Variants in LRP3 observed in about 807,000 individuals in gnomAD.
LRP3 encodes the protein low-density lipoprotein receptor-related protein 3.
A neutral mutation model predicts 58.5 loss-of-function variants in LRP3; 49 were observed. The ratio of observed to expected loss-of-function variants is 0.84; its 90% CI spans 0.67 to 1.06. The LOEUF (loss-of-function observed/expected upper bound fraction) is 1.06, where lower values mean the gene tolerates loss of function less well. LRP3 is among the 50% of genes least tolerant of loss of function. The pLI is 0.00. For missense variants in LRP3, 1,019 were observed against 1,134.2 expected (o/e 0.90, Z 1.46); for synonymous variants, 485 against 492.2 (o/e 0.99, Z 0.20).
At chr19:33,202,665 T>TGGCCTCCCGTACAC (rs1281045237) in intron 2 of LRP3, among the ~76,000 whole-genome samples, 183 bp from the exon 3 acceptor site, 2 of 152,138 alleles carry the variant, frequency 1.3e-5, no homozygotes, top group African/African-American at 4.8e-5. Flanking sequence ...GGGCCCTCCT[T>TGGCCTCCCGTACAC]GGCCTCCCGT....
chr19:33,196,592 T>C, intron 1 of LRP3, 138 bp from the exon 2 acceptor site: 1 of 733,258 alleles, frequency 1.4e-6, no homozygotes, highest in East Asian at 2.5e-5. Context: ...AGTCTTGGGC[T>C]GCGCTCTGGG....
chr19:33,204,817 G>T lies in LRP3; in HGVS notation c.440G>T (p.Gly147Val). 1 of 1,613,534 alleles carries T rather than the reference G, an allele frequency of 6.2e-7. No homozygotes were observed. The highest frequency in any genetic ancestry group is 1.1e-5 in the South Asian group (1 of 91,080). ...TTCCACTCAGACGCCTCCAGCTCCG[G>T]CCAGGCCCAGGGCTTCCGTCTGTCT... Reference protein sequence around the residue: ...IFFHSDASSSGQAQGFRLSYI... With the variant: ...IFFHSDASSSVQAQGFRLSYI... Residue 147 changes from glycine (G) to valine (V), a missense_variant, in exon 4 of 7, where the codon GGC becomes GTC. By Grantham distance (109) the Gly-to-Val change is moderately radical. This residue lies in a region of LRP3 where 592 missense variants were observed against 725.5 expected (regional missense o/e 0.82). Transcript: ENST00000253193.
At chr19:33,200,928 C>T (rs574004809) in intron 2 of LRP3, among the ~76,000 whole-genome samples, 5 of 152,316 alleles carry the variant, frequency 3.3e-5, no homozygotes, top group African/African-American at 9.6e-5. Flanking sequence ...GATGCTCTCA[C>T]GAGCTGTCCG....
At position 33,207,033 on chromosome 19, in the gene LRP3, C is replaced by T. The variant is rs759165455; in HGVS notation, c.1771C>T (p.Arg591Cys). Residue 591 changes from arginine (R) to cysteine (C), a missense_variant, in exon 7 of 7, where the codon CGT (arginine) becomes TGT (cysteine). Physicochemically the swap from Arg to Cys is radical, Grantham distance 180. This residue lies in a region of LRP3 where 427 missense variants were observed against 408.6 expected (regional missense o/e 1.04). Coordinates refer to ENST00000253193, the MANE Select transcript of LRP3 (RefSeq NM_002333.4). ...NLRTAMRRQM[R>C]RHASRRGPSR... Reference sequence around the variant, plus strand: ...TCGCACAGCCATGCGGAGACAGATGCGTCGGCACGCCTCCCGCCGGGGGCC... The same window carrying T: ...TCGCACAGCCATGCGGAGACAGATGTGTCGGCACGCCTCCCGCCGGGGGCC... The T allele has an allele frequency of 1.8e-5, 26 of 1,484,746 alleles. No individual in the cohort carries two copies. The South Asian group carries it at 2.5e-4, about 14-fold the overall frequency. 92.0% of individuals were successfully genotyped at this position (1,484,746 alleles called of 1,614,324 possible).
At chr19:33,205,097 G>C in intron 4 of LRP3, 149 bp from the exon 5 acceptor site, 1 of 920,308 alleles carries the variant, frequency 1.1e-6, no homozygotes, top group Admixed American at 2.5e-5. Context: ...CCCAGGCTCA[G>C]GTCAGGGACA....
intron 4 of LRP3, 90 bp from the exon 5 acceptor site, chr19:33,205,156 A>C: frequency 7.1e-7 from 1 of 1,401,298 alleles, no homozygotes; most frequent in South Asian, 1.3e-5. Context: ...GTGATGGGGA[A>C]CCACCTGCCC....
Position 33,202,984 on chromosome 19 carries a change from CAGGT to C in LRP3, c.260+2_260+5del. ...GCGACCGTGGTGACATGATTACCAT[CAGGT>C]AGGGGCACCCGGGGGTGTCGGAAGG... On this transcript the variant is annotated splice_donor_variant and coding_sequence_variant, in exon 3 of 7. Transcript: ENST00000253193. LOFTEE classifies it high-confidence loss of function. The C allele has an allele frequency of 6.2e-7, 1 of 1,612,688 alleles. No individual in the cohort carries two copies. Among genetic ancestry groups the C allele is most frequent in the Non-Finnish European group, 8.5e-7 (1 of 1,179,482 alleles).
chr19:33,206,923 C>T (rs1391960039), intron 6 of LRP3, 65 bp from the exon 7 acceptor site: 1 of 1,281,602 alleles, frequency 7.8e-7, no homozygotes. Context: ...CTGTCTCCTG[C>T]CCCTGAGCAG....
chr19:33,198,830 G>A (rs777832740), intron 2 of LRP3, among the ~76,000 whole-genome samples: 3 of 152,200 alleles, frequency 2.0e-5, no homozygotes, highest in African/African-American at 7.2e-5. Flanking sequence ...GCACGTCTGG[G>A]GTGGGACTCC....
chr19:33,197,364 C>T (rs1599931992), intron 2 of LRP3, among the ~76,000 whole-genome samples: 2 of 152,176 alleles, frequency 1.3e-5, no homozygotes, highest in East Asian at 1.9e-4. Flanking sequence ...CTGTGGCTCA[C>T]GCCTGTGATC....
chr19:33,199,335 A>G (rs1039764959), intron 2 of LRP3, among the ~76,000 whole-genome samples: 2 of 152,078 alleles, frequency 1.3e-5, no homozygotes, highest in Non-Finnish European at 2.9e-5. Flanking sequence ...TAGGCTGGGC[A>G]TGGTGGGGCA....
intron 2 of LRP3, among the ~76,000 whole-genome samples, chr19:33,200,461 C>T (rs1295756962): frequency 2.0e-5 from 3 of 152,132 alleles, no homozygotes; most frequent in Admixed American, 2.0e-4. Context: ...AAACTCCTGA[C>T]CTCAAATTAT....
At position 33,206,748 on chromosome 19, in the gene LRP3, G is replaced by C. The variant is rs1232603864; in HGVS notation, c.1725+15G>C. On this transcript the variant is annotated intron_variant, in intron 6 of 6. Coordinates refer to ENST00000253193, the MANE Select transcript of LRP3 (RefSeq NM_002333.4). Reference sequence around the variant, plus strand: ...GTGCGTCCCAGGTGAGCCCCCGGAGGGCGTGAGGCCCCTCCGGGGCCACTT... The same window carrying C: ...GTGCGTCCCAGGTGAGCCCCCGGAGCGCGTGAGGCCCCTCCGGGGCCACTT... The C allele has an allele frequency of 6.6e-7, 1 of 1,509,728 alleles. No individual in the cohort carries two copies. The highest frequency in any genetic ancestry group is 8.8e-7 in the Non-Finnish European group (1 of 1,130,108). The allele number at this position is 1,509,728 out of a possible 1,614,324, so 93.5% of individuals were successfully genotyped here.
intron 2 of LRP3, among the ~76,000 whole-genome samples, chr19:33,198,264 C>A (rs1454247814): frequency 1.3e-5 from 2 of 152,198 alleles, no homozygotes; most frequent in Non-Finnish European, 2.9e-5. Flanking sequence ...CTGTCCAGGT[C>A]CTTGCGTTTG....
intron 2 of LRP3, 86 bp from the exon 3 acceptor site, chr19:33,202,762 G>A: frequency 1.4e-6 from 2 of 1,427,108 alleles, no homozygotes; most frequent in Non-Finnish European, 1.9e-6. Context: ...CATGGGGGAG[G>A]CCTGTGCTGA....
chr19:33,206,140 C>G lies in LRP3; in HGVS notation c.1370C>G (p.Pro457Arg), dbSNP rs779210096. 2.5e-6 allele frequency: 4 copies of G among 1,608,184 alleles called. No individual in the cohort carries two copies. In the South Asian group the frequency reaches 4.4e-5, roughly 18 times the overall value. Reference protein sequence around the residue: ...ADEKNCFSCQPGTFHCGTNLC... With the variant: ...ADEKNCFSCQRGTFHCGTNLC... Reference sequence around the variant, plus strand: ...GAGAAGAACTGCTTCTCCTGCCAGCCCGGCACCTTCCACTGCGGTACCAAC... The same window carrying G: ...GAGAAGAACTGCTTCTCCTGCCAGCGCGGCACCTTCCACTGCGGTACCAAC... The change falls in exon 5 of 7, where the codon CCC becomes CGC. Residue 457 changes from proline to arginine, a missense_variant. Pro to Arg is a moderately radical substitution (Grantham distance 103). This residue lies in a region of LRP3 where 592 missense variants were observed against 725.5 expected (regional missense o/e 0.82). Transcript: ENST00000253193.
At chr19:33,201,540 G>T (rs1974341700) in intron 2 of LRP3, among the ~76,000 whole-genome samples, 1 of 152,210 alleles carries the variant, frequency 6.6e-6, no homozygotes, top group Non-Finnish European at 1.5e-5. Flanking sequence ...CTTTCCTGCA[G>T]CTGGGTGCCA....
chr19:33,205,298 C>T lies in LRP3; in HGVS notation c.528C>T (p.Gly176=). 1 of 1,611,510 alleles carries T rather than the reference C, an allele frequency of 6.2e-7. No individual in the cohort carries two copies. Among genetic ancestry groups the T allele is most frequent in the Non-Finnish European group, 8.5e-7 (1 of 1,179,336 alleles). The change falls in exon 5 of 7, where the codon GGC becomes GGT. Residue 176 remains glycine (G), a synonymous_variant. Transcript: ENST00000253193. ...CQADEFRCDN[G]KCLPGPWQCN... is the part of the protein sequence containing the mutation. ...CAGATGAGTTCCGCTGTGACAACGG[C>T]AAGTGCCTGCCCGGCCCGTGGCAGT...
At position 33,207,098 on chromosome 19, in the gene LRP3, T is replaced by C. The variant is rs777781375; in HGVS notation, c.1836T>C (p.Phe612=). The change falls in exon 7 of 7, where the codon TTT becomes TTC. Residue 612 remains phenylalanine, a synonymous_variant. Coordinates refer to ENST00000253193, the MANE Select transcript of LRP3 (RefSeq NM_002333.4). Reference sequence around the variant, plus strand: ...TCGGCCGCCTCTGGAACCGGCTCTTTCACCGGCCGCGGGCGCCCCGAGGCC... The same window carrying C: ...TCGGCCGCCTCTGGAACCGGCTCTTCCACCGGCCGCGGGCGCCCCGAGGCC... The part of the protein sequence containing the change: ...RRLGRLWNRL[F]HRPRAPRGQI... 128 of 1,525,230 alleles carry C rather than the reference T, an allele frequency of 8.4e-5. No homozygotes were observed. The highest frequency in any genetic ancestry group is 8.5e-5 in the Non-Finnish European group (97 of 1,140,456). The allele number at this position is 1,525,230 out of a possible 1,614,324, so 94.5% of individuals were successfully genotyped here.
Sources: gnomAD v4.1 joint callset for allele counts (sites outside exome capture counted in the v4.1 genomes callset) on GRCh38, gnomAD v4.1.1 for gene constraint, gnomAD v4.1.1 regional missense constraint, MANE v1.5 for transcripts, NCBI Gene and HGNC (gene_info 2026-07-23, HGNC 2026-07-21) for gene names.